The following RAB2A variants were observed in gnomAD, a reference collection of about 807,000 sequenced individuals.
RAB2A encodes RAB2A, member RAS oncogene family, also known as ras-related protein Rab-2A.
In RAB2A, 7 loss-of-function variants were observed where a neutral mutation model predicts 32.5. That is an observed-to-expected ratio of 0.22 (90% CI 0.12 to 0.40). RAB2A has a LOEUF of 0.40. Among genes scored for constraint, RAB2A ranks in the 10% least tolerant of loss-of-function variants. RAB2A has a pLI of 1.00. For synonymous variants in RAB2A, 79 were observed against 85.2 expected, an observed-to-expected ratio of 0.93 and a Z score of 0.40; for missense variants, 108 against 260.7, an observed-to-expected ratio of 0.41 and a Z score of 4.03.
At chr8:60,562,998 A>G (rs1379807210) in intron 2 of RAB2A, among the ~76,000 whole-genome samples, 1 of 138,650 alleles carries the variant, frequency 7.2e-6, no homozygotes, top group African/African-American at 2.6e-5. Context: ...CATCACAGCA[A>G]TTTATCTTTC....
chr8:60,571,945 C>T, intron 2 of RAB2A, 101 bp from the exon 3 acceptor site: 1 of 750,142 alleles, frequency 1.3e-6, no homozygotes, highest in South Asian at 1.7e-5. Flanking sequence ...TGTATATTAC[C>T]TAGCATAGCA....
chr8:60,564,252 T>A (rs1269862877), intron 2 of RAB2A, among the ~76,000 whole-genome samples: 1 of 152,190 alleles, frequency 6.6e-6, no homozygotes, highest in Admixed American at 6.5e-5. Context: ...ACCACTGCAT[T>A]GACCCACCTA....
chr8:60,599,862 G>T (rs992535172), intron 6 of RAB2A, among the ~76,000 whole-genome samples: 1 of 152,052 alleles, frequency 6.6e-6, no homozygotes, highest in Non-Finnish European at 1.5e-5. Context: ...GAGCCTTAGC[G>T]TATGTGTCAC....
At chr8:60,579,957 A>C (rs1803712922) in intron 3 of RAB2A, among the ~76,000 whole-genome samples, 1 of 148,088 alleles carries the variant, frequency 6.8e-6, no homozygotes. Flanking sequence ...CACTTAAAAC[A>C]ATATAGGTCA....
At chr8:60,580,571 A>G (rs6993237) in intron 3 of RAB2A, among the ~76,000 whole-genome samples, 36,053 of 152,188 alleles carry the variant, frequency 0.24, 4,329 homozygotes, top group Middle Eastern at 0.39. Context: ...TAAAGTAATC[A>G]TAGATCTTAA....
intron 6 of RAB2A, among the ~76,000 whole-genome samples, chr8:60,603,227 A>G (rs953194087): frequency 6.6e-6 from 1 of 152,240 alleles, no homozygotes; most frequent in African/African-American, 2.4e-5. Flanking sequence ...TTAAGATTAA[A>G]TATAAATGGC....
chr8:60,541,211 A>G (rs1235625694), intron 1 of RAB2A, among the ~76,000 whole-genome samples: 3 of 152,202 alleles, frequency 2.0e-5, no homozygotes, highest in Admixed American at 2.0e-4. Context: ...ATGTTACAAA[A>G]TACCTAATCA....
intron 3 of RAB2A, among the ~76,000 whole-genome samples, chr8:60,582,268 AT>A (rs1238006829): frequency 1.3e-5 from 2 of 152,200 alleles, no homozygotes; most frequent in East Asian, 3.9e-4. Flanking sequence ...ATGTAAAATG[AT>A]TTGGCTATTT....
At chr8:60,517,716 A>C (rs867145836) in intron 1 of RAB2A, among the ~76,000 whole-genome samples, 8 of 152,176 alleles carry the variant, frequency 5.3e-5, no homozygotes, top group African/African-American at 1.2e-4. Context: ...GCACGCATCT[A>C]TCAAGGCCTG....
intron 6 of RAB2A, among the ~76,000 whole-genome samples, chr8:60,606,026 G>A (rs1024540490): frequency 6.6e-6 from 1 of 152,026 alleles, no homozygotes; most frequent in African/African-American, 2.4e-5. Context: ...GCTTGCGCCT[G>A]TAGTCCCAGC....
intron 1 of RAB2A, among the ~76,000 whole-genome samples, chr8:60,528,209 A>G (rs1188908334): frequency 6.6e-6 from 1 of 152,232 alleles, no homozygotes; most frequent in Non-Finnish European, 1.5e-5. Flanking sequence ...AGTAGGATAA[A>G]GTACTTTCTC....
Position 60,576,229 on chromosome 8 carries a change from G to A in RAB2A, c.186+4116G>A, listed in dbSNP as rs764872548. Reference sequence around the variant, plus strand: ...AGCCAAACTGTAAATATTCTTTTCTGCCAGGGGAAGTCAAAGAAGAAACAT... The same window carrying A: ...AGCCAAACTGTAAATATTCTTTTCTACCAGGGGAAGTCAAAGAAGAAACAT... On this transcript the variant is annotated intron_variant, in intron 3 of 7. Coordinates refer to ENST00000262646, the MANE Select transcript of RAB2A (RefSeq NM_002865.3). 385 of 456,198 alleles carry A rather than the reference G, an allele frequency of 8.4e-4. 5 individuals carry two copies. The highest frequency in any genetic ancestry group is 4.9e-3 in the Middle Eastern group (15 of 3,076). The allele number at this position is 456,198 out of a possible 1,614,324, so 28.3% of individuals were successfully genotyped here. A position where few individuals can be genotyped will look rare whatever the true frequency, so the allele number is the denominator to read the frequency against.
At chr8:60,583,648 A>T (rs1265513447) in intron 3 of RAB2A, among the ~76,000 whole-genome samples, 3 of 152,246 alleles carry the variant, frequency 2.0e-5, no homozygotes, top group African/African-American at 7.2e-5. Context: ...GACTGTTGAA[A>T]GCTCACTGCA....
At chr8:60,595,875 G>A (rs951902703) in intron 6 of RAB2A, among the ~76,000 whole-genome samples, 5 of 152,096 alleles carry the variant, frequency 3.3e-5, no homozygotes, top group African/African-American at 9.7e-5. Flanking sequence ...GAAATCATAC[G>A]GAATGTATTC....
chr8:60,559,136 A>C, intron 2 of RAB2A: 2 of 451,778 alleles, frequency 4.4e-6, no homozygotes, highest in Non-Finnish European at 7.9e-6. Context: ...CTACTGCTGA[A>C]AGACAGTAGT....
At chr8:60,600,791 T>G (rs761691273) in intron 6 of RAB2A, among the ~76,000 whole-genome samples, 1 of 152,202 alleles carries the variant, frequency 6.6e-6, no homozygotes, top group Non-Finnish European at 1.5e-5. Context: ...TGGAGAGAAC[T>G]ATGCTTAGTG....
rs115152874 is a variant in RAB2A, at chr8:60,612,984, A to G, written c.475-5596A>G. Among the ~76,000 whole-genome samples the G allele has an allele frequency of 5.0e-3, 764 of 152,324 alleles. 8 individuals are homozygous for G. The highest frequency in any genetic ancestry group is 0.017 in the African/African-American group (701 of 41,572). On this transcript the variant is annotated intron_variant, in intron 6 of 7. Coordinates refer to ENST00000262646, the MANE Select transcript of RAB2A (RefSeq NM_002865.3). ...TTTTTCTTCACTGACCCGAAATCAG[A>G]TAGAATCACAGAATTTGAAGAAGTT...
At chr8:60,522,440 T>C (rs1306792032) in intron 1 of RAB2A, among the ~76,000 whole-genome samples, 23 of 152,230 alleles carry the variant, frequency 1.5e-4, no homozygotes, top group Non-Finnish European at 4.4e-5. Context: ...AGTAGAATTA[T>C]ATGCTTATAT....
chr8:60,547,742 C>T (rs1186086171), intron 1 of RAB2A, among the ~76,000 whole-genome samples: 1 of 102,454 alleles, frequency 9.8e-6, no homozygotes, highest in African/African-American at 3.9e-5. Flanking sequence ...GGCGGCTGGC[C>T]AGGCAGAGTG....
Sources: gnomAD v4.1 joint callset for allele counts (sites outside exome capture counted in the v4.1 genomes callset) on GRCh38, gnomAD v4.1.1 for gene constraint, MANE v1.5 for transcripts, NCBI Gene and HGNC (gene_info 2026-07-23, HGNC 2026-07-21) for gene names.